ADCY8: variants seen among roughly 807,000 people sequenced by gnomAD.
ADCY8 encodes adenylate cyclase type 8.
A neutral mutation model predicts 119.7 loss-of-function variants in ADCY8; 51 were observed. The ratio of observed to expected loss-of-function variants is 0.43; its 90% confidence interval spans 0.34 to 0.54. The LOEUF is 0.54. Among genes scored for constraint, ADCY8 ranks in the 20% least tolerant of loss-of-function variants. The pLI is 0.03. For missense variants in ADCY8, 1,383 were observed against 1,598.8 expected (o/e 0.87, Z 2.30); for synonymous variants, 665 against 651.0 (o/e 1.02, Z -0.33).
intron 15 of ADCY8, among the ~76,000 whole-genome samples, chr8:130,799,411 A>G (rs368343175): frequency 1.3e-5 from 2 of 152,258 alleles, no homozygotes; most frequent in East Asian, 1.9e-4. Context: ...ATACAATGGA[A>G]AGAAGGACTT....
At chr8:130,796,694 C>A (rs1275727944) in intron 15 of ADCY8, among the ~76,000 whole-genome samples, 4 of 151,980 alleles carry the variant, frequency 2.6e-5, no homozygotes, top group African/African-American at 9.7e-5. Flanking sequence ...CAATTCAGGC[C>A]GCTTTTTTAT....
intron 2 of ADCY8, among the ~76,000 whole-genome samples, chr8:130,963,715 G>T (rs916355937): frequency 6.6e-6 from 1 of 152,036 alleles, no homozygotes; most frequent in Admixed American, 6.6e-5. Flanking sequence ...CTAGAGATGT[G>T]GGAAGGCAAC....
chr8:130,934,691 C>G (rs761149978), intron 5 of ADCY8, among the ~76,000 whole-genome samples: 9 of 152,160 alleles, frequency 5.9e-5, no homozygotes, highest in South Asian at 2.1e-4. Flanking sequence ...TAACCAAAAC[C>G]CAAACAAAAG....
intron 1 of ADCY8, among the ~76,000 whole-genome samples, chr8:130,991,135 G>A (rs768659683): frequency 3.3e-5 from 5 of 152,038 alleles, no homozygotes; most frequent in Non-Finnish European, 7.4e-5. Context: ...CTCTTAAATT[G>A]GGCTTCCTAC....
chr8:130,894,799 T>A (rs12155612), intron 7 of ADCY8, among the ~76,000 whole-genome samples: 87,090 of 152,062 alleles, frequency 0.57, 26,930 homozygotes, highest in East Asian at 0.69. Flanking sequence ...GGGAAGACCC[T>A]TGTGTTTGTG....
chr8:130,868,762 G>T (rs1468089137), intron 8 of ADCY8, among the ~76,000 whole-genome samples: 1 of 152,208 alleles, frequency 6.6e-6, no homozygotes, highest in Non-Finnish European at 1.5e-5. Flanking sequence ...ATGAGAGAGA[G>T]GACTAGTAGC....
At chr8:131,010,143 C>G (rs1823254844) in intron 1 of ADCY8, among the ~76,000 whole-genome samples, 1 of 152,164 alleles carries the variant, frequency 6.6e-6, no homozygotes, top group Non-Finnish European at 1.5e-5. Context: ...AAATCCATTT[C>G]ATGTCAATAT....
chr8:131,031,902 A>G (rs1824008953), intron 1 of ADCY8, among the ~76,000 whole-genome samples: 1 of 152,122 alleles, frequency 6.6e-6, no homozygotes, highest in African/African-American at 2.4e-5. Context: ...AAAGAAATAC[A>G]TGTACTTTGA....
rs143643991 is a variant in ADCY8 at position 130,817,581 on chromosome 8, A to G, written c.2755-3354T>C. On this transcript the variant is annotated intron_variant, in intron 13 of 17. Transcript: ENST00000286355. Reference sequence around the variant, plus strand: ...CAAAATGATGCAAAAGCCAACTTGAATGAACTCCCACTAGTCAAAGATGTG... The same window carrying G: ...CAAAATGATGCAAAAGCCAACTTGAGTGAACTCCCACTAGTCAAAGATGTG... 1.9e-3 allele frequency among the ~76,000 whole-genome samples: 285 copies of G among 152,354 alleles called. 2 individuals carry two copies. The highest frequency in any genetic ancestry group is 6.8e-3 in the African/African-American group (282 of 41,582).
chr8:130,800,562 G>C lies in ADCY8; in HGVS notation c.2924C>G (p.Ser975Cys). The change falls in exon 15 of 18, where the codon TCT becomes TGT. Residue 975 changes from serine (S) to cysteine (C), a missense_variant. Transcript: ENST00000286355. ...EKDRDNEELY[S>C]QSYDAVGVMF... ...CACCCCAACAGCATCATAGGATTGAGAATACAGCTCCTGGACAGAGACACA... is the reference window on the plus strand; with the variant it reads ...CACCCCAACAGCATCATAGGATTGACAATACAGCTCCTGGACAGAGACACA... 6.2e-7 allele frequency: 1 copy of C among 1,614,026 alleles called. No homozygotes were observed. Among genetic ancestry groups the C allele is most frequent in the Non-Finnish European group, 8.5e-7 (1 of 1,179,928 alleles).
At chr8:130,995,365 T>G (rs1437345759) in intron 1 of ADCY8, among the ~76,000 whole-genome samples, 1 of 152,162 alleles carries the variant, frequency 6.6e-6, no homozygotes, top group Non-Finnish European at 1.5e-5. Context: ...AATAAGTTAT[T>G]GGGTAATGCT....
rs1819138056 is a variant in ADCY8, at chr8:130,890,218, G to A, written c.1912-5457C>T. On this transcript the variant is annotated intron_variant, in intron 7 of 17. Transcript: ENST00000286355. The stretch of plus-strand genomic sequence containing the variant: ...GCCTGTTGTGGGGTCAGGGGAGTGG[G>A]GAGGGATAGCATTTGGAGATATACC... 6.5e-5 allele frequency among the ~76,000 whole-genome samples: 9 copies of A among 139,316 alleles called. No homozygotes were observed. The South Asian group carries it at 1.9e-3, about 30-fold the overall frequency. 91.4% of individuals were successfully genotyped at this position (139,316 alleles called of 152,430 possible).
intron 2 of ADCY8, among the ~76,000 whole-genome samples, chr8:130,984,231 A>G (rs965758882): frequency 5.3e-5 from 8 of 151,910 alleles, no homozygotes; most frequent in African/African-American, 1.9e-4. Flanking sequence ...TGGGGAGGAG[A>G]GGAGACTGCA....
At chr8:130,876,719 G>A (rs376959327) in intron 8 of ADCY8, among the ~76,000 whole-genome samples, 1,887 of 143,612 alleles carry the variant, frequency 0.013, 43 homozygotes, top group African/African-American at 0.051. Context: ...GTGTAGGGGG[G>A]CAGGGGGGAA....
At position 130,943,386 on chromosome 8, in the gene ADCY8, T is replaced by C; in HGVS notation, c.1318A>G (p.Asn440Asp). ...CGATCAAATCTGGCAAAGAGCTCGT[T>C]GAGCATCCTGACCAGCTCCTGAGCA... Reference protein sequence around the residue: ...LSAQELVRMLNELFARFDRLA... With the variant: ...LSAQELVRMLDELFARFDRLA... The change falls in exon 4 of 18, where the codon AAC (asparagine) becomes GAC (aspartate). Residue 440 changes from asparagine to aspartate, a missense_variant. Physicochemically the swap from Asn to Asp is conservative, Grantham distance 23. Around this residue, in one of 2 missense-constraint regions of ADCY8, gnomAD observed 928 missense variants for 1,163.5 expected, o/e 0.80. Transcript: ENST00000286355. 1.2e-6 allele frequency: 2 copies of C among 1,610,852 alleles called. No homozygotes were observed.
intron 1 of ADCY8, among the ~76,000 whole-genome samples, chr8:131,000,517 A>G (rs1204823059): frequency 6.6e-6 from 1 of 152,172 alleles, no homozygotes; most frequent in Non-Finnish European, 1.5e-5. Flanking sequence ...ATTTTAATTC[A>G]TTTAGTCTTC....
At chr8:130,980,687 A>G (rs1415018604) in intron 2 of ADCY8, among the ~76,000 whole-genome samples, 1 of 152,192 alleles carries the variant, frequency 6.6e-6, no homozygotes, top group East Asian at 1.9e-4. Context: ...TGTTGAGCAA[A>G]TGAAGGATGA....
At chr8:130,917,908 C>T (rs1233184598) in intron 5 of ADCY8, among the ~76,000 whole-genome samples, 5 of 152,096 alleles carry the variant, frequency 3.3e-5, no homozygotes, top group Admixed American at 2.0e-4. Flanking sequence ...TCCTACCTGC[C>T]TGGAAGCACT....
intron 1 of ADCY8, among the ~76,000 whole-genome samples, chr8:130,993,307 C>T (rs961228277): frequency 2.6e-5 from 4 of 152,164 alleles, no homozygotes; most frequent in Admixed American, 2.6e-4. Flanking sequence ...AAAGTATACA[C>T]TGCAAAATAA....
Sources: gnomAD v4.1 joint callset for allele counts (sites outside exome capture counted in the v4.1 genomes callset) on GRCh38, gnomAD v4.1.1 for gene constraint, gnomAD v4.1.1 regional missense constraint, MANE v1.5 for transcripts, NCBI Gene and HGNC (gene_info 2026-07-23, HGNC 2026-07-21) for gene names.